Variants in SCHIP1 observed in about 807,000 individuals in gnomAD.
The protein encoded by SCHIP1 is schwannomin-interacting protein 1.
A neutral mutation model predicts 29.7 loss-of-function variants in SCHIP1; 8 were observed. The ratio of observed to expected loss-of-function variants is 0.27; its 90% CI spans 0.16 to 0.49. The LOEUF is 0.49. SCHIP1 is among the 20% of genes least tolerant of loss of function. The pLI, the probability that SCHIP1 is intolerant of heterozygous loss-of-function variation, is 0.99. For missense variants in SCHIP1, 193 were observed against 294.6 expected, an observed-to-expected ratio of 0.66 and a Z score of 2.52; for synonymous variants, 76 against 94.9, an observed-to-expected ratio of 0.80 and a Z score of 1.16.
the SCHIP1 span, among the ~76,000 whole-genome samples, chr3:159,612,775 T>C: frequency 6.6e-6 from 1 of 152,158 alleles, no homozygotes; most frequent in African/African-American, 2.4e-5. Context: ...ACCAAAGACT[T>C]CAGATATCTG....
chr3:159,761,378 C>G, the SCHIP1 span, among the ~76,000 whole-genome samples: 2 of 152,176 alleles, frequency 1.3e-5, no homozygotes, highest in African/African-American at 4.8e-5. Flanking sequence ...GTGCTTATCC[C>G]ACACTTCTGA....
the SCHIP1 span, among the ~76,000 whole-genome samples, chr3:159,525,839 C>T: frequency 1.3e-5 from 2 of 152,290 alleles, no homozygotes; most frequent in South Asian, 4.1e-4. Flanking sequence ...GTTGACTCTC[C>T]TTAAATGCTT....
chr3:159,562,535 C>A, the SCHIP1 span, among the ~76,000 whole-genome samples: 4 of 152,170 alleles, frequency 2.6e-5, no homozygotes, highest in African/African-American at 9.7e-5. Context: ...TTTGACACTA[C>A]GCCTTCTGGT....
At chr3:159,631,008 G>A in the SCHIP1 span, among the ~76,000 whole-genome samples, 1 of 151,982 alleles carries the variant, frequency 6.6e-6, no homozygotes, top group African/African-American at 2.4e-5. Context: ...GTTAAAACGT[G>A]GGCAAAGAAT....
the SCHIP1 span, among the ~76,000 whole-genome samples, chr3:159,452,781 T>C: frequency 6.6e-6 from 1 of 152,232 alleles, no homozygotes; most frequent in African/African-American, 2.4e-5. Context: ...TATAAAAGTG[T>C]TTCTATTTCT....
the SCHIP1 span, among the ~76,000 whole-genome samples, chr3:159,505,918 G>T: frequency 6.6e-6 from 1 of 152,130 alleles, no homozygotes; most frequent in Non-Finnish European, 1.5e-5. Flanking sequence ...TGTGAATAGT[G>T]CCGCAATAAA....
rs1420880317 is a variant in SCHIP1 at position 159,845,337 on chromosome 3, T to C, written c.30+5123T>C. 3.9e-5 allele frequency: 6 copies of C among 152,242 alleles called. No individual in the cohort carries two copies. In the East Asian group the frequency reaches 1.2e-3, roughly 29 times the overall value. 9.4% of individuals were successfully genotyped at this position (152,242 alleles called of 1,614,324 possible). On this transcript the variant is annotated intron_variant, in intron 1 of 6. Coordinates refer to ENST00000445224, the Ensembl canonical transcript of SCHIP1. ...ACTTGTATTAGAACCCATTTACAAC[T>C]ATTTACATATAGGTCTGTCTCCTCC...
chr3:159,281,844 A>G, the SCHIP1 span, among the ~76,000 whole-genome samples: 2 of 152,200 alleles, frequency 1.3e-5, no homozygotes, highest in Non-Finnish European at 2.9e-5. Context: ...ATATCTCACC[A>G]TTAATCCAAC....
chr3:159,863,773 C>G (rs540191606), intron 1 of SCHIP1, among the ~76,000 whole-genome samples: 1 of 152,194 alleles, frequency 6.6e-6, no homozygotes, highest in South Asian at 2.1e-4. Context: ...ATAAAACAGT[C>G]CTCTTTAAAC....
the SCHIP1 span, among the ~76,000 whole-genome samples, chr3:159,698,696 T>C: frequency 2.6e-5 from 4 of 152,140 alleles, no homozygotes; most frequent in Non-Finnish European, 5.9e-5. Context: ...TGGAGTGCAG[T>C]GGCATGGTCT....
chr3:159,710,073 C>A, the SCHIP1 span, among the ~76,000 whole-genome samples: 1 of 152,186 alleles, frequency 6.6e-6, no homozygotes, highest in Non-Finnish European at 1.5e-5. Context: ...TATGATCCAG[C>A]AATCTCACTT....
chr3:159,439,760 C>G, the SCHIP1 span, among the ~76,000 whole-genome samples: 1 of 152,000 alleles, frequency 6.6e-6, no homozygotes, highest in Non-Finnish European at 1.5e-5. Flanking sequence ...GTTTAAGCTC[C>G]TAATAGATGC....
At chr3:159,579,857 C>T in the SCHIP1 span, among the ~76,000 whole-genome samples, 1 of 151,940 alleles carries the variant, frequency 6.6e-6, no homozygotes, top group Admixed American at 6.6e-5. Context: ...AAACATTAAC[C>T]TTGGAAGTTA....
intron 1 of SCHIP1, among the ~76,000 whole-genome samples, chr3:159,862,927 A>C (rs1261883400): frequency 2.6e-5 from 4 of 152,170 alleles, no homozygotes; most frequent in Non-Finnish European, 5.9e-5. Context: ...TTTCGAGAGC[A>C]ATGTGACAAA....
At chr3:159,656,773 T>C in the SCHIP1 span, among the ~76,000 whole-genome samples, 90 of 152,288 alleles carry the variant, frequency 5.9e-4, 3 homozygotes, top group South Asian at 6.8e-3. Flanking sequence ...AGGTTTTATA[T>C]ATAAGGTACT....
the SCHIP1 span, among the ~76,000 whole-genome samples, chr3:159,385,316 G>A: frequency 6.6e-6 from 1 of 152,176 alleles, no homozygotes. Context: ...CCAGCACTTT[G>A]GGAGGCTGAG....
the SCHIP1 span, among the ~76,000 whole-genome samples, chr3:159,301,967 C>T: frequency 3.9e-5 from 6 of 152,216 alleles, no homozygotes; most frequent in Admixed American, 2.0e-4. Flanking sequence ...AGCATTTTCT[C>T]ATGATTCTTC....
chr3:159,445,412 CTT>C, the SCHIP1 span, among the ~76,000 whole-genome samples: 1 of 151,232 alleles, frequency 6.6e-6, no homozygotes, highest in South Asian at 2.1e-4. Context: ...AATAGGAACA[CTT>C]TTACACTGTT....
chr3:159,329,370 T>C, the SCHIP1 span, among the ~76,000 whole-genome samples: 3 of 152,170 alleles, frequency 2.0e-5, no homozygotes, highest in Non-Finnish European at 2.9e-5. Context: ...AGAGAATTGA[T>C]GGAACCGGAG....
Sources: allele counts gnomAD v4.1 joint callset (sites outside exome capture counted in the v4.1 genomes callset), GRCh38; gene constraint gnomAD v4.1.1; transcripts MANE v1.5; gene names NCBI Gene and HGNC (gene_info 2026-07-23, HGNC 2026-07-21).